The following HTR1E variants were observed in gnomAD, a reference collection of about 807,000 sequenced individuals.
HTR1E encodes 5-HT-1E.
Under a neutral mutation model 3.4 loss-of-function variants are expected in HTR1E, and 3 were observed. That is an observed-to-expected ratio of 0.89 (90% CI 0.41 to 2.31). The LOEUF (loss-of-function observed/expected upper bound fraction) is 2.31, where lower values mean the gene tolerates loss of function less well. HTR1E is among the 30% of genes most tolerant of loss of function. The probability of loss-of-function intolerance (pLI) is 0.05; values close to 1 mark genes in which losing one functional copy is unlikely to be tolerated. For missense variants in HTR1E, 392 were observed against 467.0 expected (o/e 0.84, Z 1.48); for synonymous variants, 170 against 182.8 (o/e 0.93, Z 0.56).
intron 1 of HTR1E, among the ~76,000 whole-genome samples, chr6:86,988,433 A>C (rs1180584617): frequency 1.3e-5 from 2 of 152,200 alleles, no homozygotes; most frequent in African/African-American, 2.4e-5. Context: ...CAGTAATAGC[A>C]GTAGACAGGG....
chr6:87,012,444 G>A (rs76563773), intron 1 of HTR1E, among the ~76,000 whole-genome samples: 1 of 152,042 alleles, frequency 6.6e-6, no homozygotes, highest in Non-Finnish European at 1.5e-5. Context: ...TACCTTTTGG[G>A]TACTATGCTT....
intron 1 of HTR1E, among the ~76,000 whole-genome samples, chr6:87,011,479 C>T (rs1768234909): frequency 6.6e-6 from 1 of 152,110 alleles, no homozygotes; most frequent in Non-Finnish European, 1.5e-5. Context: ...CAGGAATGCT[C>T]CAGGTCCACC....
intron 1 of HTR1E, among the ~76,000 whole-genome samples, chr6:86,986,858 A>G (rs1176407004): frequency 1.3e-5 from 2 of 152,186 alleles, no homozygotes; most frequent in Admixed American, 6.5e-5. Context: ...GAGCTTAGCA[A>G]CTAAGAAAGT....
intron 1 of HTR1E, among the ~76,000 whole-genome samples, chr6:87,003,801 A>T (rs1437059395): frequency 3.3e-5 from 5 of 152,156 alleles, no homozygotes; most frequent in Non-Finnish European, 7.4e-5. Flanking sequence ...TTGAAACAAA[A>T]AATACAAAAA....
In HTR1E at chr6:87,015,268, A is replaced by T; in HGVS notation, c.-67A>T. 1 of 1,393,678 alleles carries T rather than the reference A, an allele frequency of 7.2e-7. No homozygotes were observed. Among genetic ancestry groups the T allele is most frequent in the Non-Finnish European group, 9.6e-7 (1 of 1,040,298 alleles). The allele number at this position is 1,393,678 out of a possible 1,614,324, so 86.3% of individuals were successfully genotyped here. A position where few individuals can be genotyped will look rare whatever the true frequency, so the allele number is the denominator to read the frequency against. ...TTACAAGTGAGAAACCTTCGAGGCT[A>T]CATAGTTTTCAGCCAAAGGAAAATA... On this transcript the variant is annotated 5_prime_UTR_variant, in exon 2 of 2. Coordinates refer to ENST00000305344, the MANE Select transcript of HTR1E (RefSeq NM_000865.3).
At chr6:87,010,647 G>A (rs534085288) in intron 1 of HTR1E, among the ~76,000 whole-genome samples, 97 of 145,418 alleles carry the variant, frequency 6.7e-4, no homozygotes, top group African/African-American at 2.4e-3. Context: ...GGGCGGAGAC[G>A]CTCCTCACTT....
At position 87,015,556 on chromosome 6, in the gene HTR1E, C is replaced by T. The variant is rs548885163; in HGVS notation, c.222C>T (p.Leu74=). 1.1e-5 allele frequency: 18 copies of T among 1,612,898 alleles called. No homozygotes were observed. In the Admixed American group the frequency reaches 1.7e-4, roughly 15 times the overall value. ...LAVTDLLVAV[L]VMPLSIIYIV... is the part of the protein sequence containing the mutation. ...TGACGGACCTCCTGGTGGCAGTGCT[C>T]GTCATGCCCCTGAGCATCATCTACA... Residue 74 remains leucine, a synonymous_variant, in exon 2 of 2, where the codon CTC becomes CTT. Coordinates refer to ENST00000305344, the MANE Select transcript of HTR1E (RefSeq NM_000865.3).
At chr6:86,977,300 T>A (rs1411829667) in intron 1 of HTR1E, among the ~76,000 whole-genome samples, 1 of 152,200 alleles carries the variant, frequency 6.6e-6, no homozygotes, top group Non-Finnish European at 1.5e-5. Context: ...GGTTTTATGT[T>A]CCTGCATTAA....
chr6:87,011,916 C>T (rs1397133985), intron 1 of HTR1E, among the ~76,000 whole-genome samples: 1 of 152,112 alleles, frequency 6.6e-6, no homozygotes, highest in Non-Finnish European at 1.5e-5. Context: ...ACATACCTTT[C>T]CCGCGCAAAA....
At chr6:86,981,493 T>C (rs1767710520) in intron 1 of HTR1E, among the ~76,000 whole-genome samples, 1 of 152,170 alleles carries the variant, frequency 6.6e-6, no homozygotes, top group Non-Finnish European at 1.5e-5. Context: ...AGGAAGAAGA[T>C]AATTCATGCC....
rs1354401550 is a variant in HTR1E at position 86,992,215 on chromosome 6, AT to A, written c.-185-22932del. On this transcript the variant is annotated intron_variant, in intron 1 of 1. Coordinates refer to ENST00000305344, the MANE Select transcript of HTR1E (RefSeq NM_000865.3). ...ATGACTTTGTGAATGAATGCAACTG[AT>A]TTAAAGGGTAAAGAGAAATGTATCT... Among the ~76,000 whole-genome samples, 4 of 152,332 alleles carry A rather than the reference AT, an allele frequency of 2.6e-5. No homozygotes were observed. In the East Asian group the frequency reaches 7.7e-4, roughly 29 times the overall value.
intron 1 of HTR1E, among the ~76,000 whole-genome samples, chr6:86,973,294 G>A (rs2127823513): frequency 1.3e-5 from 1 of 76,614 alleles, no homozygotes; most frequent in South Asian, 6.3e-4. Flanking sequence ...AACAAAGGCA[G>A]TGGCTGTGTG....
intron 1 of HTR1E, among the ~76,000 whole-genome samples, chr6:86,995,665 CAAAAAAAAAAAAAAAAAAAAAAGAAA>C: frequency 2.7e-5 from 1 of 36,696 alleles, no homozygotes; most frequent in East Asian, 6.6e-4. Flanking sequence ...GACTCCATCT[CAAAAAAAAAAAAAAAAAAAAAAGAAA>C]AAAAAAAAAA....
Position 87,016,232 on chromosome 6 carries a change from T to C in HTR1E, c.898T>C (p.Phe300Leu). 6.2e-7 allele frequency: 1 copy of C among 1,614,078 alleles called. No individual in the cohort carries two copies. The highest frequency in any genetic ancestry group is 8.5e-7 in the Non-Finnish European group (1 of 1,179,968). ...ARILGLILGA[F>L]ILSWLPFFIK... ...CATCCTGGGGCTGATTCTGGGTGCA[T>C]TCATTTTATCCTGGCTGCCATTTTT... Residue 300 changes from phenylalanine (F) to leucine (L), a missense_variant, in exon 2 of 2, where the codon TTC becomes CTC. Around this residue, in one of 3 missense-constraint regions of HTR1E, gnomAD observed 178 missense variants for 164.9 expected, o/e 1.08. Transcript: ENST00000305344.
intron 1 of HTR1E, among the ~76,000 whole-genome samples, chr6:86,951,246 G>A (rs774908630): frequency 1.3e-5 from 2 of 152,092 alleles, no homozygotes; most frequent in Non-Finnish European, 2.9e-5. Flanking sequence ...TGCATTATTT[G>A]GTTGAGTGTA....
chr6:86,953,500 C>G (rs957521842), intron 1 of HTR1E, among the ~76,000 whole-genome samples: 1 of 152,100 alleles, frequency 6.6e-6, no homozygotes, highest in Non-Finnish European at 1.5e-5. Flanking sequence ...GCAAAGGAAT[C>G]AGTGGTTAGA....
chr6:86,996,467 T>C (rs1487321775), intron 1 of HTR1E, among the ~76,000 whole-genome samples: 2 of 140,620 alleles, frequency 1.4e-5, no homozygotes, highest in Non-Finnish European at 3.1e-5. Context: ...ACAAACCTTA[T>C]AACTGACATA....
At chr6:86,983,356 A>C (rs1388079233) in intron 1 of HTR1E, among the ~76,000 whole-genome samples, 2 of 151,298 alleles carry the variant, frequency 1.3e-5, no homozygotes, top group African/African-American at 4.9e-5. Flanking sequence ...TTCTGATCAA[A>C]ATTTAAAGAT....
chr6:86,944,924 T>C (rs185398851), intron 1 of HTR1E, among the ~76,000 whole-genome samples: 154 of 147,458 alleles, frequency 1.0e-3, no homozygotes, highest in African/African-American at 3.9e-3. Flanking sequence ...CAATTATGTA[T>C]AGTATATAAT....
Sources: allele counts gnomAD v4.1 joint callset (sites outside exome capture counted in the v4.1 genomes callset), GRCh38; gene constraint gnomAD v4.1.1; regional missense constraint gnomAD v4.1.1; transcripts MANE v1.5; gene names NCBI Gene and HGNC (gene_info 2026-07-23, HGNC 2026-07-21).